SESN1: variants seen among roughly 807,000 people sequenced by gnomAD.
The protein encoded by SESN1 is sestrin 1.
A neutral mutation model predicts 59.3 loss-of-function variants in SESN1; 30 were observed. The observed-to-expected ratio is 0.51, with a 90% confidence interval of 0.38 to 0.69. The LOEUF is 0.69. Among genes scored for constraint, SESN1 ranks in the 30% least tolerant of loss-of-function variants. SESN1 has a pLI of 0.00. For missense variants in SESN1, 566 were observed against 673.0 expected (o/e 0.84, Z 1.76); for synonymous variants, 197 against 219.9 (o/e 0.90, Z 0.92).
intron 1 of SESN1, among the ~76,000 whole-genome samples, chr6:109,068,294 T>C (rs148449860): frequency 3.4e-4 from 52 of 152,310 alleles, no homozygotes; most frequent in African/African-American, 1.2e-3. Context: ...ATTAAAAATT[T>C]AATTGATATC....
At chr6:109,059,096 T>TACACAC (rs373238799) in intron 1 of SESN1, among the ~76,000 whole-genome samples, 7 of 149,716 alleles carry the variant, frequency 4.7e-5, no homozygotes, top group African/African-American at 1.2e-4. Context: ...TATCACTTCA[T>TACACAC]ACACACACAC....
At chr6:109,074,010 T>C (rs1168033129) in intron 1 of SESN1, among the ~76,000 whole-genome samples, 1 of 152,228 alleles carries the variant, frequency 6.6e-6, no homozygotes, top group Non-Finnish European at 1.5e-5. Flanking sequence ...CAATGGACCA[T>C]ATATACTATG....
intron 7 of SESN1, among the ~76,000 whole-genome samples, chr6:108,991,507 G>A (rs1344151378): frequency 1.3e-5 from 2 of 152,134 alleles, no homozygotes; most frequent in African/African-American, 4.8e-5. Context: ...CTCTCAAAGT[G>A]CTGGGATTAC....
At chr6:109,078,142 T>C (rs1243731200) in intron 1 of SESN1, among the ~76,000 whole-genome samples, 1 of 152,070 alleles carries the variant, frequency 6.6e-6, no homozygotes, top group African/African-American at 2.4e-5. Flanking sequence ...TTCCTATACA[T>C]ACATTTTAAA....
intron 1 of SESN1, among the ~76,000 whole-genome samples, chr6:109,017,211 A>G (rs758251966): frequency 9.2e-5 from 14 of 152,164 alleles, no homozygotes; most frequent in Non-Finnish European, 1.8e-4. Context: ...TATTTTACCA[A>G]TTAACAGAAA....
At chr6:109,028,659 T>C (rs560194873) in intron 1 of SESN1, among the ~76,000 whole-genome samples, 69 of 152,298 alleles carry the variant, frequency 4.5e-4, no homozygotes, top group Non-Finnish European at 7.9e-4. Flanking sequence ...CTCTTAAAAA[T>C]AGTATTAGTT....
chr6:109,057,952 T>C (rs1780663345), intron 1 of SESN1, among the ~76,000 whole-genome samples: 1 of 152,130 alleles, frequency 6.6e-6, no homozygotes, highest in East Asian at 1.9e-4. Context: ...TGTCTCTAGA[T>C]GAGGTTCAAT....
At chr6:109,000,383 G>A (rs937731276) in intron 4 of SESN1, 108 bp downstream of exon 4, 1 of 764,884 alleles carries the variant, frequency 1.3e-6, no homozygotes, top group Non-Finnish European at 2.0e-6. Flanking sequence ...AGATTCAGGG[G>A]GTAGAAAATA....
At chr6:109,010,146 C>T (rs1451052071) in intron 1 of SESN1, among the ~76,000 whole-genome samples, 1 of 152,092 alleles carries the variant, frequency 6.6e-6, no homozygotes, top group African/African-American at 2.4e-5. Context: ...CGTCTTTTTT[C>T]CTCTCAAGTA....
intron 1 of SESN1, among the ~76,000 whole-genome samples, chr6:109,003,302 C>CT (rs1332120405): frequency 2.0e-5 from 3 of 150,548 alleles, no homozygotes; most frequent in African/African-American, 7.3e-5. Flanking sequence ...ATTCTACTCT[C>CT]TCCTTACTGC....
intron 1 of SESN1, among the ~76,000 whole-genome samples, chr6:109,028,394 C>T (rs758467164): frequency 1.3e-5 from 2 of 152,040 alleles, no homozygotes; most frequent in Non-Finnish European, 2.9e-5. Flanking sequence ...AAGTTTATCT[C>T]GAATGGGGCT....
At chr6:109,059,608 C>T (rs1045992901) in intron 1 of SESN1, 3 of 152,072 alleles carry the variant, frequency 2.0e-5, no homozygotes, top group African/African-American at 7.2e-5. Context: ...GCTGCTGAAG[C>T]AAGCACAAGG....
At position 108,986,092 on chromosome 6, in the gene SESN1, C is replaced by G. The variant is rs141713447; in HGVS notation, c.*1452G>C. On this transcript the variant is annotated 3_prime_UTR_variant, in exon 10 of 10. Coordinates refer to ENST00000436639, the MANE Select transcript of SESN1 (RefSeq NM_014454.3). ...ACTAACAGAGTTATCATCACAACAG[C>G]TTCAGTTAAACTTAGAGCTATTTCT... is the stretch of plus-strand genomic sequence containing the variant. Among the ~76,000 whole-genome samples, 1 of 152,298 alleles carries G rather than the reference C, an allele frequency of 6.6e-6. No individual in the cohort carries two copies. The highest frequency in any genetic ancestry group is 2.4e-5 in the African/African-American group (1 of 41,548).
At chr6:109,032,149 G>A (rs1780190579) in intron 1 of SESN1, among the ~76,000 whole-genome samples, 1 of 152,314 alleles carries the variant, frequency 6.6e-6, no homozygotes, top group South Asian at 2.1e-4. Flanking sequence ...GTTCATGCCT[G>A]TAATCCCAGC....
chr6:108,999,689 T>C (rs1192328496), intron 4 of SESN1, among the ~76,000 whole-genome samples: 1 of 152,174 alleles, frequency 6.6e-6, no homozygotes, highest in Non-Finnish European at 1.5e-5. Context: ...TGCAAACTGA[T>C]ACTGCCCTTT....
intron 1 of SESN1, among the ~76,000 whole-genome samples, chr6:109,025,303 C>T (rs1780074234): frequency 2.6e-5 from 4 of 151,960 alleles, no homozygotes; most frequent in Admixed American, 2.6e-4. Context: ...TCCCTTATTA[C>T]CTACCTGCTC....
intron 1 of SESN1, among the ~76,000 whole-genome samples, chr6:109,042,601 C>T (rs191982844): frequency 6.6e-6 from 1 of 151,130 alleles, no homozygotes; most frequent in East Asian, 1.9e-4. Flanking sequence ...TATACTCATA[C>T]ATTTGACAAG....
chr6:109,023,110 T>C (rs1022640194), intron 1 of SESN1, among the ~76,000 whole-genome samples: 5 of 152,174 alleles, frequency 3.3e-5, no homozygotes, highest in Admixed American at 2.0e-4. Flanking sequence ...TGGTTCCCCA[T>C]TGAGACAAAA....
At chr6:109,009,373 G>T in intron 1 of SESN1, 1 of 1,468,440 alleles carries the variant, frequency 6.8e-7, no homozygotes, top group Non-Finnish European at 9.0e-7. Context: ...TCCTGGTCGC[G>T]GCCCCCGCCG....
Sources: allele counts gnomAD v4.1 joint callset (sites outside exome capture counted in the v4.1 genomes callset), GRCh38; gene constraint gnomAD v4.1.1; transcripts MANE v1.5; gene names NCBI Gene and HGNC (gene_info 2026-07-23, HGNC 2026-07-21).